PIWIL2: variants seen among roughly 807,000 people sequenced by gnomAD.
PIWIL2 encodes the protein piwi-like protein 2.
Under a neutral mutation model 116.5 loss-of-function variants are expected in PIWIL2, and 81 were observed. The ratio of observed to expected loss-of-function variants is 0.70; its 90% CI spans 0.58 to 0.84. PIWIL2 has a LOEUF of 0.84. Ranked by LOEUF, PIWIL2 falls within the 40% of genes least tolerant of loss-of-function variation. The pLI, the probability that PIWIL2 is intolerant of heterozygous loss-of-function variation, is 0.00. For missense variants in PIWIL2, 1,272 were observed against 1,212.3 expected, an observed-to-expected ratio of 1.05 and a Z score of -0.73; for synonymous variants, 489 against 429.5, an observed-to-expected ratio of 1.14 and a Z score of -1.71.
chr8:22,281,266 T>C (rs1228192354), intron 3 of PIWIL2, 59 bp downstream of exon 3: 2 of 1,545,720 alleles, frequency 1.3e-6, no homozygotes, highest in Non-Finnish European at 1.8e-6. Context: ...TCTTCTAAAA[T>C]CCAAATGGTT....
intron 10 of PIWIL2, among the ~76,000 whole-genome samples, chr8:22,290,984 A>ATTT (rs1830751030): frequency 7.1e-6 from 1 of 141,514 alleles, no homozygotes; most frequent in Non-Finnish European, 1.6e-5. Context: ...ATTTTTTTTA[A>ATTT]TTGAGACAGA....
chr8:22,322,824 A>G (rs1831633294), intron 20 of PIWIL2, among the ~76,000 whole-genome samples: 1 of 152,122 alleles, frequency 6.6e-6, no homozygotes, highest in East Asian at 1.9e-4. Flanking sequence ...TACAGACGTG[A>G]GCCACTGTGC....
At chr8:22,329,547 A>G (rs963631639) in intron 20 of PIWIL2, among the ~76,000 whole-genome samples, 1 of 152,244 alleles carries the variant, frequency 6.6e-6, no homozygotes, top group African/African-American at 2.4e-5. Context: ...ACTCAAAGCA[A>G]GAGCTCACTT....
At chr8:22,322,285 C>G (rs1255117691) in intron 20 of PIWIL2, among the ~76,000 whole-genome samples, 2 of 151,568 alleles carry the variant, frequency 1.3e-5, no homozygotes, top group Non-Finnish European at 1.5e-5. Flanking sequence ...CAGGGTTGCT[C>G]TGTTGCCTGG....
intron 16 of PIWIL2, among the ~76,000 whole-genome samples, chr8:22,312,564 C>G (rs937322313): frequency 1.2e-4 from 18 of 152,164 alleles, no homozygotes; most frequent in Middle Eastern, 3.2e-3. Flanking sequence ...CCATGCCCAG[C>G]AGCATTCTGT....
chr8:22,303,990 T>C, intron 10 of PIWIL2, 31 bp from the exon 11 acceptor site: 1 of 1,492,628 alleles, frequency 6.7e-7, no homozygotes, highest in Non-Finnish European at 9.3e-7. Flanking sequence ...ATATATACTG[T>C]GATCCAAAAG....
chr8:22,326,882 A>G (rs1052072153), intron 20 of PIWIL2, among the ~76,000 whole-genome samples: 20 of 152,186 alleles, frequency 1.3e-4, no homozygotes, highest in Admixed American at 1.1e-3. Context: ...AGGGTCATAT[A>G]GTAGTTCTGT....
At chr8:22,310,553 C>G (rs771541469) in intron 15 of PIWIL2, among the ~76,000 whole-genome samples, 1 of 152,084 alleles carries the variant, frequency 6.6e-6, no homozygotes, top group Non-Finnish European at 1.5e-5. Flanking sequence ...ATATAAAATG[C>G]ATGTTTTTAA....
chr8:22,319,225 C>G (rs1831538817), intron 20 of PIWIL2, among the ~76,000 whole-genome samples: 1 of 152,196 alleles, frequency 6.6e-6, no homozygotes, highest in Non-Finnish European at 1.5e-5. Context: ...CTCTAAGGCT[C>G]CACCTTGTCT....
intron 10 of PIWIL2, among the ~76,000 whole-genome samples, chr8:22,301,320 A>G (rs1347688959): frequency 6.6e-6 from 1 of 151,348 alleles, no homozygotes; most frequent in Non-Finnish European, 1.5e-5. Context: ...ATTTTTTGAG[A>G]CAGCGTATCG....
chr8:22,346,971 C>T (rs1046215251), intron 20 of PIWIL2, among the ~76,000 whole-genome samples: 2 of 151,662 alleles, frequency 1.3e-5, no homozygotes, highest in Non-Finnish European at 2.9e-5. Context: ...CCCAGGAGTT[C>T]AAGACCAGCC....
chr8:22,307,527 G>T (rs1398225323), intron 13 of PIWIL2, among the ~76,000 whole-genome samples: 1 of 135,002 alleles, frequency 7.4e-6, no homozygotes. Context: ...CTGTTGCCCA[G>T]GCTGGAGGGC....
chr8:22,339,133 A>G lies in PIWIL2; in HGVS notation c.2404-13826A>G, dbSNP rs190429723. On this transcript the variant is annotated intron_variant, in intron 20 of 22. Transcript: ENST00000356766. ...GGGACTACTGGATATCCACATACAC[A>G]AGAATGACATTGAAGCTCTTCTTTA... is the stretch of plus-strand genomic sequence containing the variant. Among the ~76,000 whole-genome samples the G allele has an allele frequency of 1.4e-4, 21 of 152,322 alleles. No individual in the cohort carries two copies. In the East Asian group the frequency reaches 3.9e-3, roughly 28 times the overall value.
intron 10 of PIWIL2, among the ~76,000 whole-genome samples, chr8:22,302,338 C>T (rs759455485): frequency 6.6e-6 from 1 of 151,938 alleles, no homozygotes; most frequent in Non-Finnish European, 1.5e-5. Flanking sequence ...CGCACCCCCA[C>T]GCCCAGTTAA....
In PIWIL2 at chr8:22,281,440, C is replaced by T; in HGVS notation, c.350C>T (p.Ser117Phe). Residue 117 changes from serine to phenylalanine, a missense_variant, in exon 4 of 23, where the codon TCT (serine) becomes TTT (phenylalanine). Transcript: ENST00000356766. ...NLVRKDREEL[S>F]PTFWDPKVLA... ...GTACGCAAGGACAGGGAGGAACTCT[C>T]TCCCACTTTTTGGGATCCAAAAGTG... 6.2e-7 allele frequency: 1 copy of T among 1,605,202 alleles called. No individual in the cohort carries two copies. The highest frequency in any genetic ancestry group is 1.7e-4 in the Middle Eastern group (1 of 6,022).
intron 20 of PIWIL2, among the ~76,000 whole-genome samples, chr8:22,328,569 G>A (rs149589733): frequency 1.3e-5 from 2 of 152,076 alleles, no homozygotes; most frequent in Non-Finnish European, 2.9e-5. Flanking sequence ...ATGGACACAG[G>A]ATGTCTTTCT....
intron 20 of PIWIL2, among the ~76,000 whole-genome samples, chr8:22,341,595 CAAAAAA>C (rs34495366): frequency 3.0e-5 from 3 of 99,518 alleles, no homozygotes; most frequent in Non-Finnish European, 5.7e-5. Flanking sequence ...AACTCCGTCT[CAAAAAA>C]AAAAAAAAAA....
At chr8:22,280,548 C>G (rs982261315) in intron 2 of PIWIL2, among the ~76,000 whole-genome samples, 1 of 152,286 alleles carries the variant, frequency 6.6e-6, no homozygotes, top group Non-Finnish European at 1.5e-5. Flanking sequence ...TGAAAGTAAT[C>G]TTACATGTTG....
chr8:22,329,617 C>A (rs907703230), intron 20 of PIWIL2, among the ~76,000 whole-genome samples: 2 of 152,258 alleles, frequency 1.3e-5, no homozygotes, highest in African/African-American at 4.8e-5. Flanking sequence ...CGAAACACCT[C>A]CCACCATGCC....
Sources: gnomAD v4.1 joint callset for allele counts (sites outside exome capture counted in the v4.1 genomes callset) on GRCh38, gnomAD v4.1.1 for gene constraint, MANE v1.5 for transcripts, NCBI Gene and HGNC (gene_info 2026-07-23, HGNC 2026-07-21) for gene names.